CDH23: variants seen among roughly 807,000 people sequenced by gnomAD.
CDH23 encodes the protein cadherin-23.
A neutral mutation model predicts 317.1 loss-of-function variants in CDH23; 189 were observed. That is an observed-to-expected ratio of 0.60 (90% CI 0.53 to 0.67). The LOEUF is 0.67. Ranked by LOEUF, CDH23 falls within the 30% of genes least tolerant of loss-of-function variation. The pLI, the probability that CDH23 is intolerant of heterozygous loss-of-function variation, is 0.00. For missense variants in CDH23, 4,401 were observed against 4,592.4 expected (o/e 0.96, Z 1.20); for synonymous variants, 1,839 against 1,876.8 (o/e 0.98, Z 0.52).
intron 3 of CDH23, among the ~76,000 whole-genome samples, chr10:71,451,400 C>G (rs1850439195): frequency 6.6e-6 from 1 of 152,220 alleles, no homozygotes; most frequent in Non-Finnish European, 1.5e-5. Flanking sequence ...GGCAACCAGG[C>G]TGTTTGCAGC....
At chr10:71,767,200 C>T (rs1423439851) in intron 38 of CDH23, among the ~76,000 whole-genome samples, 2 of 152,234 alleles carry the variant, frequency 1.3e-5, no homozygotes, top group Non-Finnish European at 2.9e-5. Flanking sequence ...ACCTTCACCT[C>T]TCTCCACCCA....
intron 46 of CDH23, 108 bp from the exon 47 acceptor site, chr10:71,791,024 C>G (rs1276635438): frequency 2.4e-6 from 2 of 834,936 alleles, no homozygotes; most frequent in Non-Finnish European, 3.8e-6. Context: ...TCATCTCTGT[C>G]CCATGGTGCC....
intron 2 of CDH23, among the ~76,000 whole-genome samples, chr10:71,442,084 T>C (rs1849914954): frequency 1.3e-5 from 2 of 152,252 alleles, no homozygotes. Flanking sequence ...GAAGTGCTTA[T>C]TAAGTGTTGG....
chr10:71,597,899 G>A (rs182899027), intron 9 of CDH23, among the ~76,000 whole-genome samples: 9 of 152,126 alleles, frequency 5.9e-5, no homozygotes, highest in East Asian at 5.8e-4. Flanking sequence ...CCATGATCCC[G>A]CCCCACCCCC....
chr10:71,676,484 G>A (rs1455301379), intron 15 of CDH23, among the ~76,000 whole-genome samples: 4 of 151,950 alleles, frequency 2.6e-5, no homozygotes, highest in African/African-American at 7.2e-5. Context: ...AAAATTAGCC[G>A]GGCGTGGTGG....
At chr10:71,703,991 C>A (rs1865685839) in intron 24 of CDH23, among the ~76,000 whole-genome samples, 1 of 152,144 alleles carries the variant, frequency 6.6e-6, no homozygotes, top group Non-Finnish European at 1.5e-5. Context: ...AACTGTGGCT[C>A]CCTGGTCCCA....
At chr10:71,530,711 C>T (rs1198761063) in intron 6 of CDH23, among the ~76,000 whole-genome samples, 1 of 152,236 alleles carries the variant, frequency 6.6e-6, no homozygotes, top group East Asian at 1.9e-4. Flanking sequence ...AGGGAGGAGT[C>T]AGAACACTCA....
Position 71,750,805 on chromosome 10 carries a change from C to T in CDH23, c.4845+8884C>T, listed in dbSNP as rs180896787. On this transcript the variant is annotated intron_variant, in intron 38 of 69. Transcript: ENST00000224721. ...GACAGAAGAGCAGCCTCGGGCAAAA[C>T]GGGGGAGCCAAGGCGGCCACGGGGG... 4.6e-4 allele frequency: 73 copies of T among 157,414 alleles called. No homozygotes were observed. The Middle Eastern group carries it at 0.022, about 48-fold the overall frequency. The allele number at this position is 157,414 out of a possible 1,614,324, so 9.8% of individuals were successfully genotyped here. A position where few individuals can be genotyped will look rare whatever the true frequency, so the allele number is the denominator to read the frequency against.
intron 7 of CDH23, 125 bp from the exon 8 acceptor site, chr10:71,570,665 T>TGTGC (rs1564659585): frequency 9.8e-7 from 1 of 1,024,542 alleles, no homozygotes; most frequent in Non-Finnish European, 1.4e-6. Context: ...TGGGTGTGTG[T>TGTGC]GTGCGTGTGC....
intron 48 of CDH23, chr10:71,796,134 G>A (rs1841396520): frequency 3.1e-6 from 3 of 969,882 alleles, no homozygotes; most frequent in Non-Finnish European, 3.7e-6. Context: ...CCAGCAGGGG[G>A]ATCTGCCAAG....
intron 1 of CDH23, among the ~76,000 whole-genome samples, chr10:71,423,964 T>C (rs559615859): frequency 3.3e-5 from 5 of 152,358 alleles, no homozygotes; most frequent in African/African-American, 1.2e-4. Flanking sequence ...ATGCTCTACA[T>C]ACAACGGAGC....
chr10:71,689,315 G>T (rs1384919634), intron 19 of CDH23, among the ~76,000 whole-genome samples: 1 of 152,026 alleles, frequency 6.6e-6, no homozygotes, highest in East Asian at 1.9e-4. Flanking sequence ...ACCTGACAAT[G>T]AGCTGGGTGG....
chr10:71,792,313 CA>C (rs1841272438), intron 47 of CDH23, among the ~76,000 whole-genome samples: 1 of 145,336 alleles, frequency 6.9e-6, no homozygotes. Context: ...TGTCAGACAC[CA>C]AAATAAAAAC....
intron 25 of CDH23, among the ~76,000 whole-genome samples, chr10:71,705,679 T>C (rs1168736438): frequency 6.6e-6 from 1 of 152,180 alleles, no homozygotes; most frequent in Admixed American, 6.5e-5. Flanking sequence ...CTGCCCTCTA[T>C]TGGTGAAGGG....
Position 71,715,813 on chromosome 10 carries a change from G to A in CDH23, c.3369+3000G>A, listed in dbSNP as rs766579126. 3.1e-4 allele frequency: 291 copies of A among 950,076 alleles called. 4 individuals are homozygous for A. The Middle Eastern group carries it at 0.023, about 74-fold the overall frequency. The allele number at this position is 950,076 out of a possible 1,614,324, so 58.9% of individuals were successfully genotyped here. A position where few individuals can be genotyped will look rare whatever the true frequency, so the allele number is the denominator to read the frequency against. On this transcript the variant is annotated intron_variant, in intron 28 of 69. Transcript: ENST00000224721. ...CTGGGCATGCAAGGAGCTTCGGGGG[G>A]TGAGTGTGTGTCCCAGACTGCTTGG...
At chr10:71,764,106 G>A (rs1286186155) in intron 38 of CDH23, among the ~76,000 whole-genome samples, 1 of 152,218 alleles carries the variant, frequency 6.6e-6, no homozygotes, top group Non-Finnish European at 1.5e-5. Context: ...CCCAGAAAGG[G>A]AAAGTGGTTG....
intron 6 of CDH23, among the ~76,000 whole-genome samples, chr10:71,545,483 C>T (rs1353799461): frequency 6.6e-6 from 1 of 152,232 alleles, no homozygotes; most frequent in Non-Finnish European, 1.5e-5. Context: ...CCGATGCTTA[C>T]CCCCAAAGAG....
intron 11 of CDH23, among the ~76,000 whole-genome samples, chr10:71,640,140 T>G (rs1313374187): frequency 1.3e-5 from 2 of 152,208 alleles, no homozygotes; most frequent in Non-Finnish European, 2.9e-5. Context: ...CTCTGGGTGC[T>G]CCTGCCTCAC....
At chr10:71,712,899 C>T in intron 28 of CDH23, 86 bp downstream of exon 28, 1 of 1,498,086 alleles carries the variant, frequency 6.7e-7, no homozygotes, top group Non-Finnish European at 9.1e-7. Context: ...CTCAGTGGCA[C>T]CAGAGGCGGA....
Sources: allele counts gnomAD v4.1 joint callset (sites outside exome capture counted in the v4.1 genomes callset), GRCh38; gene constraint gnomAD v4.1.1; transcripts MANE v1.5; gene names NCBI Gene and HGNC (gene_info 2026-07-23, HGNC 2026-07-21).